OSBPL3: variants seen among roughly 807,000 people sequenced by gnomAD.
OSBPL3 encodes the protein oxysterol-binding protein-related protein 3.
A neutral mutation model predicts 120.1 loss-of-function variants in OSBPL3; 65 were observed. The ratio of observed to expected loss-of-function variants is 0.54; its 90% CI spans 0.44 to 0.67. The LOEUF (loss-of-function observed/expected upper bound fraction) is 0.67, where lower values mean the gene tolerates loss of function less well. Ranked by LOEUF, OSBPL3 falls within the 30% of genes least tolerant of loss-of-function variation. The probability of loss-of-function intolerance (pLI) is 0.00; values close to 1 mark genes in which losing one functional copy is unlikely to be tolerated. For missense variants in OSBPL3, 1,004 were observed against 1,082.1 expected, an observed-to-expected ratio of 0.93 and a Z score of 1.01; for synonymous variants, 416 against 402.6, an observed-to-expected ratio of 1.03 and a Z score of -0.40.
intron 17 of OSBPL3, 35 bp from the exon 18 acceptor site, chr7:24,816,723 G>T (rs773068546): frequency 3.7e-6 from 5 of 1,344,394 alleles, no homozygotes; most frequent in Non-Finnish European, 5.4e-6. Flanking sequence ...ATTTTTAGCA[G>T]GAGAGGTAGG....
chr7:24,965,341 C>T lies in OSBPL3; in HGVS notation c.-150+14545G>A, dbSNP rs1816247741. Among the ~76,000 whole-genome samples the T allele has an allele frequency of 6.6e-6, 1 of 152,190 alleles. No homozygotes were observed. The highest frequency in any genetic ancestry group is 1.9e-4 in the East Asian group (1 of 5,198). The stretch of plus-strand genomic sequence containing the variant: ...GGTAAGTCAGTCATCTGTCTTCAAT[C>T]TTATTTTCCTTAGTCGTCCAACAAG... On this transcript the variant is annotated intron_variant, in intron 1 of 22. Coordinates refer to ENST00000313367, the MANE Select transcript of OSBPL3 (RefSeq NM_015550.4). The surrounding 1 kb of genome is among the most constrained non-coding windows in gnomAD (Gnocchi z 4.3).
chr7:24,877,213 G>C lies in OSBPL3; in HGVS notation c.97-5144C>G, dbSNP rs186012735. On this transcript the variant is annotated intron_variant, in intron 2 of 22. Transcript: ENST00000313367. The surrounding 1 kb of genome is among the most constrained non-coding windows in gnomAD (Gnocchi z 4.8). ...AAGGAGTAAATCCCATTGGGTAGAG[G>C]AATAGTGGTGGGCCAAGACCTTGAG... Among the ~76,000 whole-genome samples the C allele has an allele frequency of 4.9e-3, 744 of 152,272 alleles. 4 individuals are homozygous for C. The highest frequency in any genetic ancestry group is 0.024 in the Middle Eastern group (7 of 294).
rs186986222 is a variant in OSBPL3 at position 24,922,346 on chromosome 7, C to A, written c.-149-29725G>T. Among the ~76,000 whole-genome samples, 94 of 152,258 alleles carry A rather than the reference C, an allele frequency of 6.2e-4. No homozygotes were observed. Among genetic ancestry groups the A allele is most frequent in the African/African-American group, 2.0e-3 (85 of 41,548 alleles). On this transcript the variant is annotated intron_variant, in intron 1 of 22. Coordinates refer to ENST00000313367, the MANE Select transcript of OSBPL3 (RefSeq NM_015550.4). This position sits in a 1 kb window ranked among gnomAD's most constrained non-coding sequence, Gnocchi z 4.3. Reference sequence around the variant, plus strand: ...GGCTTGTCCTTACCAGCAATGTGACCTTGAGCAAATCTGCTTCCTTGTGCC... The same window carrying A: ...GGCTTGTCCTTACCAGCAATGTGACATTGAGCAAATCTGCTTCCTTGTGCC...
rs1481272912 is a variant in OSBPL3, at chr7:24,805,647, T to C, written c.2444+1129A>G. Among the ~76,000 whole-genome samples the C allele has an allele frequency of 2.6e-5, 4 of 152,186 alleles. No individual in the cohort carries two copies. Among genetic ancestry groups the C allele is most frequent in the African/African-American group, 9.7e-5 (4 of 41,440 alleles). On this transcript the variant is annotated intron_variant, in intron 21 of 22. Coordinates refer to ENST00000313367, the MANE Select transcript of OSBPL3 (RefSeq NM_015550.4). This position sits in a 1 kb window ranked among gnomAD's most constrained non-coding sequence, Gnocchi z 4.0. ...TACAAGCATAATGTGCATAGCAAGA[T>C]AGCTTGAAGCATTCTATGTATGGCT...
rs1723530433 is a variant in OSBPL3 at position 24,883,608 on chromosome 7, G to A, written c.96+8769C>T. Among the ~76,000 whole-genome samples, 1 of 152,068 alleles carries A rather than the reference G, an allele frequency of 6.6e-6. No homozygotes were observed. The highest frequency in any genetic ancestry group is 2.4e-5 in the African/African-American group (1 of 41,444). On this transcript the variant is annotated intron_variant, in intron 2 of 22. Transcript: ENST00000313367. The surrounding 1 kb of genome is among the most constrained non-coding windows in gnomAD (Gnocchi z 5.4). The stretch of plus-strand genomic sequence containing the variant: ...GGCATCCCATGCAGTTTTCATCAAA[G>A]TAATATTTCTAAATCTCACCCAAAT...
intron 1 of OSBPL3, among the ~76,000 whole-genome samples, chr7:24,945,666 C>G (rs1430403251): frequency 6.6e-6 from 1 of 152,174 alleles, no homozygotes; most frequent in Non-Finnish European, 1.5e-5. Flanking sequence ...ACGTAAGACC[C>G]TGAAAAGCTA....
At position 24,938,569 on chromosome 7, in the gene OSBPL3, G is replaced by C. The variant is rs528652809; in HGVS notation, c.-150+41317C>G. The stretch of plus-strand genomic sequence containing the variant: ...GACCAAGATGGCTTCTGAAACTCTA[G>C]TCATCACTCAAATTTGAAGGCCAGA... On this transcript the variant is annotated intron_variant, in intron 1 of 22. Coordinates refer to ENST00000313367, the MANE Select transcript of OSBPL3 (RefSeq NM_015550.4). This position sits in a 1 kb window ranked among gnomAD's most constrained non-coding sequence, Gnocchi z 5.8. 6.6e-6 allele frequency among the ~76,000 whole-genome samples: 1 copy of C among 152,156 alleles called. No homozygotes were observed. The highest frequency in any genetic ancestry group is 6.5e-5 in the Admixed American group (1 of 15,280).
intron 10 of OSBPL3, among the ~76,000 whole-genome samples, chr7:24,857,579 T>C (rs1194957209): frequency 6.6e-6 from 1 of 152,122 alleles, no homozygotes; most frequent in Admixed American, 6.5e-5. Context: ...GCCAGAGAGG[T>C]TAATAAATGA....
Position 24,799,499 on chromosome 7 carries a change from C to A in OSBPL3, c.*684G>T, listed in dbSNP as rs1792054124. The A allele has an allele frequency of 6.6e-6, 1 of 152,124 alleles. No individual in the cohort carries two copies. Among genetic ancestry groups the A allele is most frequent in the Non-Finnish European group, 1.5e-5 (1 of 68,026 alleles). 9.4% of individuals were successfully genotyped at this position (152,124 alleles called of 1,614,324 possible). Reference sequence around the variant, plus strand: ...TTCTCTTATGAATAATTTCTCTGAGCAACAGGGTACAATTTTGCATATAAG... The same window carrying A: ...TTCTCTTATGAATAATTTCTCTGAGAAACAGGGTACAATTTTGCATATAAG... On this transcript the variant is annotated 3_prime_UTR_variant, in exon 23 of 23. Coordinates refer to ENST00000313367, the MANE Select transcript of OSBPL3 (RefSeq NM_015550.4). This position sits in a 1 kb window ranked among gnomAD's most constrained non-coding sequence, Gnocchi z 5.3.
chr7:24,825,450 TATCTC>T lies in OSBPL3; in HGVS notation c.1885-5217_1885-5213del, dbSNP rs753421660. On this transcript the variant is annotated intron_variant, in intron 16 of 22. Transcript: ENST00000313367. ...TCTCCCATGTTCAGAGTGAATCACT[TATCTC>T]ATAAACACATGGCCTCTTGCAAAAA... is the stretch of plus-strand genomic sequence containing the variant. Among the ~76,000 whole-genome samples the T allele has an allele frequency of 3.9e-5, 6 of 152,312 alleles. No homozygotes were observed. In the East Asian group the frequency reaches 7.7e-4, roughly 20 times the overall value.
chr7:24,898,496 A>T lies in OSBPL3; in HGVS notation c.-149-5875T>A, dbSNP rs373315898. 3.3e-5 allele frequency among the ~76,000 whole-genome samples: 5 copies of T among 152,182 alleles called. No homozygotes were observed. The highest frequency in any genetic ancestry group is 7.3e-5 in the Non-Finnish European group (5 of 68,036). On this transcript the variant is annotated intron_variant, in intron 1 of 22. Transcript: ENST00000313367. The surrounding 1 kb of genome is among the most constrained non-coding windows in gnomAD (Gnocchi z 4.3). ...GGCAAGACAGGAGTCAAGAGGCCTA[A>T]AGACTCAAATGCTTACTCTGGCACA...
chr7:24,930,297 T>G lies in OSBPL3; in HGVS notation c.-149-37676A>C, dbSNP rs1242909534. ...AAAAATGTGCAAATAAAACATCTGGTGTTTGTAGGAATACATGGGAAAAAC... is the reference window on the plus strand; with the variant it reads ...AAAAATGTGCAAATAAAACATCTGGGGTTTGTAGGAATACATGGGAAAAAC... On this transcript the variant is annotated intron_variant, in intron 1 of 22. Coordinates refer to ENST00000313367, the MANE Select transcript of OSBPL3 (RefSeq NM_015550.4). This position sits in a 1 kb window ranked among gnomAD's most constrained non-coding sequence, Gnocchi z 4.4. Among the ~76,000 whole-genome samples the G allele has an allele frequency of 6.6e-6, 1 of 152,202 alleles. No individual in the cohort carries two copies. Among genetic ancestry groups the G allele is most frequent in the Non-Finnish European group, 1.5e-5 (1 of 68,026 alleles).
chr7:24,943,407 G>A (rs765810365), intron 1 of OSBPL3, among the ~76,000 whole-genome samples: 7 of 152,186 alleles, frequency 4.6e-5, no homozygotes, highest in Admixed American at 4.6e-4. Flanking sequence ...AAACATTTCA[G>A]TCTGTTCATT....
At chr7:24,958,121 G>A (rs573340908) in intron 1 of OSBPL3, among the ~76,000 whole-genome samples, 1 of 152,052 alleles carries the variant, frequency 6.6e-6, no homozygotes, top group Non-Finnish European at 1.5e-5. Context: ...AAGTATGCAC[G>A]TTTTCAATTT....
chr7:24,847,952 A>G (rs1203595413), intron 12 of OSBPL3, among the ~76,000 whole-genome samples: 1 of 152,244 alleles, frequency 6.6e-6, no homozygotes, highest in East Asian at 1.9e-4. Context: ...TAGCGCTTCT[A>G]TAAAAGAATG....
At chr7:24,944,805 CT>C (rs1813527206) in intron 1 of OSBPL3, among the ~76,000 whole-genome samples, 1 of 152,174 alleles carries the variant, frequency 6.6e-6, no homozygotes, top group Non-Finnish European at 1.5e-5. Context: ...CATAACTCCT[CT>C]ATAAGGCCCT....
chr7:24,951,603 CT>C (rs1436071955), intron 1 of OSBPL3, among the ~76,000 whole-genome samples: 1 of 152,154 alleles, frequency 6.6e-6, no homozygotes, highest in Non-Finnish European at 1.5e-5. Context: ...TCCCTTCCCC[CT>C]ACCCACACAC....
At chr7:24,885,296 C>T (rs888322204) in intron 2 of OSBPL3, among the ~76,000 whole-genome samples, 2 of 151,820 alleles carry the variant, frequency 1.3e-5, no homozygotes, top group Non-Finnish European at 2.9e-5. Flanking sequence ...ATGATAAACA[C>T]CTGGACATTA....
At chr7:24,974,523 C>T (rs531253512) in intron 1 of OSBPL3, among the ~76,000 whole-genome samples, 84 of 152,252 alleles carry the variant, frequency 5.5e-4, no homozygotes, top group African/African-American at 1.9e-3. Flanking sequence ...GATAAAACAG[C>T]GAACAGGGCC....
Sources: allele counts gnomAD v4.1 joint callset (sites outside exome capture counted in the v4.1 genomes callset), GRCh38; gene constraint gnomAD v4.1.1; non-coding constraint Gnocchi (gnomAD v3.1); transcripts MANE v1.5; gene names NCBI Gene and HGNC (gene_info 2026-07-23, HGNC 2026-07-21).